B3GAT2: variants seen among roughly 807,000 people sequenced by gnomAD.
B3GAT2 encodes the protein galactosylgalactosylxylosylprotein 3-beta-glucuronosyltransferase 2.
A neutral mutation model predicts 27.8 loss-of-function variants in B3GAT2; 26 were observed. The observed-to-expected ratio is 0.93, with a 90% CI of 0.68 to 1.30. The LOEUF is 1.30. B3GAT2 is among the 50% of genes most tolerant of loss of function. The probability of loss-of-function intolerance (pLI) is 0.00; values close to 1 mark genes in which losing one functional copy is unlikely to be tolerated. For synonymous variants in B3GAT2, 218 were observed against 195.1 expected, an observed-to-expected ratio of 1.12 and a Z score of -0.98; for missense variants, 458 against 459.0, an observed-to-expected ratio of 1.00 and a Z score of 0.02.
intron 1 of B3GAT2, among the ~76,000 whole-genome samples, chr6:70,926,116 C>T (rs1321676538): frequency 1.3e-5 from 2 of 152,174 alleles, no homozygotes; most frequent in Admixed American, 6.5e-5. Flanking sequence ...AAAGCATCAA[C>T]AAAACTAGCA....
chr6:70,912,828 A>G (rs536451831), intron 1 of B3GAT2, among the ~76,000 whole-genome samples: 1 of 152,190 alleles, frequency 6.6e-6, no homozygotes, highest in Admixed American at 6.5e-5. Context: ...TAGGCTTTTT[A>G]CTACTGATTC....
chr6:70,950,347 A>T (rs887892319), intron 1 of B3GAT2, among the ~76,000 whole-genome samples: 71 of 152,142 alleles, frequency 4.7e-4, no homozygotes, highest in African/African-American at 1.5e-3. Context: ...GAAAAAAGTA[A>T]CAAAAGGTCA....
chr6:70,866,559 T>C (rs892707084), intron 2 of B3GAT2, among the ~76,000 whole-genome samples: 8 of 152,076 alleles, frequency 5.3e-5, no homozygotes, highest in South Asian at 4.2e-4. Context: ...GAAAAATACA[T>C]TGGATGGGAT....
Position 70,857,089 on chromosome 6 carries a change from A to G in B3GAT2, c.*4574T>C. 6.9e-7 allele frequency: 1 copy of G among 1,441,468 alleles called. No individual in the cohort carries two copies. The highest frequency in any genetic ancestry group is 9.3e-7 in the Non-Finnish European group (1 of 1,074,550). 89.3% of individuals were successfully genotyped at this position (1,441,468 alleles called of 1,614,324 possible). On this transcript the variant is annotated 3_prime_UTR_variant, in exon 4 of 4. Coordinates refer to ENST00000230053, the MANE Select transcript of B3GAT2 (RefSeq NM_080742.3). ...TACTAGAAGTACATCCTTTGTAATT[A>G]TATAATAAGATCAATTATATATCTT...
intron 2 of B3GAT2, 51 bp downstream of exon 2, chr6:70,894,077 G>C: frequency 2.7e-6 from 4 of 1,471,014 alleles, no homozygotes; most frequent in Non-Finnish European, 3.6e-6. Context: ...TTATAAACAA[G>C]AGCATAAGAA....
At chr6:70,921,623 T>C (rs1251032178) in intron 1 of B3GAT2, among the ~76,000 whole-genome samples, 1 of 152,200 alleles carries the variant, frequency 6.6e-6, no homozygotes, top group African/African-American at 2.4e-5. Flanking sequence ...TTAAGAACCA[T>C]TGCTAGGGAA....
chr6:70,946,906 T>A (rs1186138440), intron 1 of B3GAT2, among the ~76,000 whole-genome samples: 2 of 151,890 alleles, frequency 1.3e-5, no homozygotes, highest in Non-Finnish European at 2.9e-5. Context: ...GCAATCAAAC[T>A]AGAACTCAGG....
Position 70,897,227 on chromosome 6 carries a change from CA to C in B3GAT2, c.592-2956del, listed in dbSNP as rs1374670378. ...AGTCAGTTCAAATCTTTCGCACATT[CA>C]AAAAAAAAAAGGTTTTCTTACTATT... On this transcript the variant is annotated intron_variant, in intron 1 of 3. Coordinates refer to ENST00000230053, the MANE Select transcript of B3GAT2 (RefSeq NM_080742.3). 8.1e-3 allele frequency among the ~76,000 whole-genome samples: 1,104 copies of C among 135,610 alleles called. 12 individuals carry two copies. Among genetic ancestry groups the C allele is most frequent in the African/African-American group, 0.025 (948 of 38,318 alleles). 89.0% of individuals were successfully genotyped at this position (135,610 alleles called of 152,430 possible).
chr6:70,945,103 TA>T (rs1236725689), intron 1 of B3GAT2, among the ~76,000 whole-genome samples: 17 of 151,804 alleles, frequency 1.1e-4, no homozygotes, highest in Non-Finnish European at 2.1e-4. Context: ...CAAAAGTAGA[TA>T]AAACCACAAA....
rs573415019 is a variant in B3GAT2, at chr6:70,910,525, G to A, written c.592-16253C>T. 3.0e-3 allele frequency among the ~76,000 whole-genome samples: 452 copies of A among 152,188 alleles called. 3 individuals are homozygous for A. Among genetic ancestry groups the A allele is most frequent in the African/African-American group, 0.01 (425 of 41,548 alleles). ...CATCTTATTCTTTTTTTATGGTTAC[G>A]TAGTATTACATGGTGTATATGTACC... is the stretch of plus-strand genomic sequence containing the variant. On this transcript the variant is annotated intron_variant, in intron 1 of 3. Transcript: ENST00000230053.
intron 1 of B3GAT2, among the ~76,000 whole-genome samples, chr6:70,928,779 G>T (rs953714461): frequency 3.3e-5 from 5 of 151,378 alleles, no homozygotes; most frequent in African/African-American, 9.7e-5. Flanking sequence ...TGGCAGGCAG[G>T]AGAAAGAAAT....
chr6:70,876,064 C>T (rs1772009310), intron 2 of B3GAT2, among the ~76,000 whole-genome samples: 1 of 152,186 alleles, frequency 6.6e-6, no homozygotes, highest in Non-Finnish European at 1.5e-5. Flanking sequence ...CAAAAAGACT[C>T]TGATGGGAAA....
rs527958939 is a variant in B3GAT2, at chr6:70,857,365, G to T, written c.*4298C>A. 1 of 184,756 alleles carries T rather than the reference G, an allele frequency of 5.4e-6. No individual in the cohort carries two copies. Among genetic ancestry groups the T allele is most frequent in the South Asian group, 1.7e-4 (1 of 5,928 alleles). 11.4% of individuals were successfully genotyped at this position (184,756 alleles called of 1,614,324 possible). On this transcript the variant is annotated 3_prime_UTR_variant, in exon 4 of 4. Transcript: ENST00000230053. Reference sequence around the variant, plus strand: ...TGCGTACAGTGTATTTTCTCTGCAGGTAAACAGTCTTGAGTTACCACATGG... The same window carrying T: ...TGCGTACAGTGTATTTTCTCTGCAGTTAAACAGTCTTGAGTTACCACATGG...
At chr6:70,951,904 T>A (rs1765583534) in intron 1 of B3GAT2, among the ~76,000 whole-genome samples, 1 of 152,090 alleles carries the variant, frequency 6.6e-6, no homozygotes. Context: ...CTAGGTTCCT[T>A]CACTTTAAAA....
At chr6:70,915,446 C>G (rs112180611) in intron 1 of B3GAT2, among the ~76,000 whole-genome samples, 8 of 152,174 alleles carry the variant, frequency 5.3e-5, no homozygotes, top group African/African-American at 1.9e-4. Flanking sequence ...TTTGTTGCCA[C>G]TGCTTTTGGT....
chr6:70,939,419 A>T (rs547233984), intron 1 of B3GAT2, among the ~76,000 whole-genome samples: 1 of 150,796 alleles, frequency 6.6e-6, no homozygotes, highest in Admixed American at 6.6e-5. Flanking sequence ...AGGACTATAA[A>T]TCATGCTGCT....
intron 2 of B3GAT2, among the ~76,000 whole-genome samples, chr6:70,870,282 A>G (rs866419648): frequency 4.0e-5 from 6 of 151,382 alleles, no homozygotes; most frequent in Middle Eastern, 3.4e-3. Flanking sequence ...TCAGCAAACT[A>G]TCGCAAGGAC....
At chr6:70,953,350 C>T (rs911021259) in intron 1 of B3GAT2, among the ~76,000 whole-genome samples, 2 of 152,168 alleles carry the variant, frequency 1.3e-5, no homozygotes, top group Admixed American at 6.5e-5. Context: ...AATAAACCTA[C>T]GGATTTCCAA....
intron 1 of B3GAT2, among the ~76,000 whole-genome samples, chr6:70,947,997 A>C (rs933888034): frequency 9.9e-5 from 15 of 152,092 alleles, no homozygotes; most frequent in Non-Finnish European, 2.1e-4. Flanking sequence ...TTATCTTAAT[A>C]GATGCAGAAA....
Sources: allele counts gnomAD v4.1 joint callset (sites outside exome capture counted in the v4.1 genomes callset), GRCh38; gene constraint gnomAD v4.1.1; transcripts MANE v1.5; gene names NCBI Gene and HGNC (gene_info 2026-07-23, HGNC 2026-07-21).